Variants in MKLN1 observed in about 807,000 individuals in gnomAD.
MKLN1 encodes muskelin 1.
A neutral mutation model predicts 99.0 loss-of-function variants in MKLN1; 18 were observed. The observed-to-expected ratio is 0.18, with a 90% CI of 0.13 to 0.27. The LOEUF (loss-of-function observed/expected upper bound fraction) is 0.27. MKLN1 is among the 10% of genes least tolerant of loss of function. The pLI is 1.00. For missense variants in MKLN1, 621 were observed against 875.9 expected (o/e 0.71, Z 3.67); for synonymous variants, 288 against 293.2 (o/e 0.98, Z 0.18).
At chr7:131,252,329 C>CTTTTCTT (rs777410575) in intron 3 of MKLN1, among the ~76,000 whole-genome samples, 29 of 118,522 alleles carry the variant, frequency 2.4e-4, no homozygotes, top group East Asian at 2.3e-3. Context: ...TTTTTCTTTT[C>CTTTTCTT]TTTTTTTTTT....
intron 3 of MKLN1, among the ~76,000 whole-genome samples, chr7:131,297,975 A>G (rs1341506798): frequency 6.6e-6 from 1 of 152,192 alleles, no homozygotes; most frequent in Non-Finnish European, 1.5e-5. Flanking sequence ...TTCTTCAGGA[A>G]CATGCAAGTT....
At chr7:131,306,813 G>C (rs1798473872) in intron 3 of MKLN1, among the ~76,000 whole-genome samples, 1 of 152,190 alleles carries the variant, frequency 6.6e-6, no homozygotes, top group Non-Finnish European at 1.5e-5. Flanking sequence ...CATCTCCTGG[G>C]GAGAAATTCA....
chr7:131,364,457 T>C (rs1236933648), intron 1 of MKLN1, among the ~76,000 whole-genome samples: 1 of 151,984 alleles, frequency 6.6e-6, no homozygotes. Context: ...TCCTAATGTA[T>C]AAGGACTTTG....
chr7:131,133,353 C>CTTTTTTTTTTTTTTTTTTTTTTT, intron 1 of MKLN1, among the ~76,000 whole-genome samples: 1 of 93,636 alleles, frequency 1.1e-5, no homozygotes, highest in Non-Finnish European at 2.0e-5. Context: ...TTCTTTCTTT[C>CTTTTTTTTTTTTTTTTTTTTTTT]TTTTTTTTTT....
At chr7:131,379,761 T>G (rs1793783014) in intron 2 of MKLN1, among the ~76,000 whole-genome samples, 1 of 152,214 alleles carries the variant, frequency 6.6e-6, no homozygotes. Context: ...GGGTACCCCA[T>G]TCTCCACGAT....
intron 12 of MKLN1, among the ~76,000 whole-genome samples, chr7:131,450,016 C>T (rs1293742788): frequency 6.6e-6 from 1 of 152,126 alleles, no homozygotes; most frequent in Admixed American, 6.5e-5. Context: ...AATACTGCTA[C>T]CCTCAGGTTC....
chr7:131,444,718 GAGT>G (rs60571380), intron 11 of MKLN1, among the ~76,000 whole-genome samples: 18,772 of 128,542 alleles, frequency 0.15, 1,626 homozygotes, highest in Middle Eastern at 0.26. Flanking sequence ...CCTGGGTTTT[GAGT>G]AGTAGTAGTA....
intron 2 of MKLN1, among the ~76,000 whole-genome samples, chr7:131,173,463 A>G (rs898303995): frequency 3.3e-5 from 5 of 152,234 alleles, no homozygotes; most frequent in Non-Finnish European, 7.3e-5. Flanking sequence ...TCACGCCCAT[A>G]ATCCTAGCAC....
At chr7:131,372,918 CTTTCTTTTCTTT>C (rs952949848) in intron 1 of MKLN1, among the ~76,000 whole-genome samples, 1 of 151,664 alleles carries the variant, frequency 6.6e-6, no homozygotes, top group Non-Finnish European at 1.5e-5. Flanking sequence ...TCCCTACCTT[CTTTCTTTTCTTT>C]TTTCTTTTAC....
intron 2 of MKLN1, among the ~76,000 whole-genome samples, chr7:131,145,910 G>A (rs1795809278): frequency 2.0e-5 from 3 of 152,248 alleles, no homozygotes; most frequent in Admixed American, 2.0e-4. Flanking sequence ...GTACATTTGT[G>A]ACAGAAGTTC....
intron 3 of MKLN1, among the ~76,000 whole-genome samples, chr7:131,237,594 G>C (rs528533184): frequency 2.0e-5 from 3 of 152,098 alleles, no homozygotes; most frequent in Non-Finnish European, 4.4e-5. Context: ...CTGTATAATC[G>C]AAGTATGCAG....
chr7:131,395,579 T>G (rs989817214), intron 4 of MKLN1, among the ~76,000 whole-genome samples: 4 of 151,708 alleles, frequency 2.6e-5, no homozygotes, highest in Non-Finnish European at 5.9e-5. Flanking sequence ...TGCCATTAGT[T>G]TGGTACCAAG....
At chr7:131,269,663 A>G (rs926722511) in intron 3 of MKLN1, among the ~76,000 whole-genome samples, 1 of 151,898 alleles carries the variant, frequency 6.6e-6, no homozygotes, top group African/African-American at 2.4e-5. Flanking sequence ...TACTGTTTGC[A>G]CTCTTTCTTC....
intron 9 of MKLN1, among the ~76,000 whole-genome samples, chr7:131,430,833 C>T (rs1301079314): frequency 3.3e-5 from 5 of 152,114 alleles, no homozygotes; most frequent in Non-Finnish European, 7.4e-5. Context: ...GAGGTCAAGG[C>T]AGGAGGACTG....
chr7:131,284,687 C>T (rs543731065), intron 3 of MKLN1, among the ~76,000 whole-genome samples: 2 of 152,338 alleles, frequency 1.3e-5, no homozygotes, highest in East Asian at 3.9e-4. Context: ...TTCCCTCTCA[C>T]CAGGTGTGTG....
chr7:131,182,969 C>G (rs1239551653), intron 2 of MKLN1, among the ~76,000 whole-genome samples: 2 of 152,116 alleles, frequency 1.3e-5, no homozygotes, highest in African/African-American at 2.4e-5. Context: ...GGTTGGTTTG[C>G]TTAAATGTCA....
chr7:131,111,634 A>C (rs10263975), intron 1 of MKLN1, among the ~76,000 whole-genome samples: 148,038 of 152,078 alleles, frequency 0.97, 72,184 homozygotes, highest in East Asian at 1. Context: ...TTTGAGAAAC[A>C]ATCCTTGAAA....
At chr7:131,218,602 G>C (rs1797017899) in intron 3 of MKLN1, among the ~76,000 whole-genome samples, 1 of 152,160 alleles carries the variant, frequency 6.6e-6, no homozygotes, top group Admixed American at 6.6e-5. Flanking sequence ...TTTTTGTATA[G>C]GTGGTTCCCA....
intron 1 of MKLN1, among the ~76,000 whole-genome samples, chr7:131,367,571 T>C (rs979982501): frequency 1.3e-5 from 2 of 152,136 alleles, no homozygotes; most frequent in African/African-American, 2.4e-5. Flanking sequence ...TTCTATTCTT[T>C]CTTATTCCCT....
Sources: gnomAD v4.1 joint callset for allele counts (sites outside exome capture counted in the v4.1 genomes callset) on GRCh38, gnomAD v4.1.1 for gene constraint, MANE v1.5 for transcripts, NCBI Gene and HGNC (gene_info 2026-07-23, HGNC 2026-07-21) for gene names.